Variants in FER observed in about 807,000 individuals in gnomAD.
FER encodes the protein FER tyrosine kinase, also known as tyrosine-protein kinase Fer.
A neutral mutation model predicts 111.0 loss-of-function variants in FER; 63 were observed. That is an observed-to-expected ratio of 0.57 (90% CI 0.46 to 0.70). The LOEUF (loss-of-function observed/expected upper bound fraction) is 0.70. Ranked by LOEUF, FER falls within the 30% of genes least tolerant of loss-of-function variation. The probability of loss-of-function intolerance (pLI) is 0.00; values close to 1 mark genes in which losing one functional copy is unlikely to be tolerated. For missense variants in FER, 914 were observed against 954.0 expected (o/e 0.96, Z 0.55); for synonymous variants, 327 against 313.9 (o/e 1.04, Z -0.44).
intron 16 of FER, among the ~76,000 whole-genome samples, chr5:109,096,489 C>G (rs1009658544): frequency 6.6e-6 from 1 of 151,912 alleles, no homozygotes; most frequent in African/African-American, 2.4e-5. Flanking sequence ...TATCTTCACT[C>G]TTTTCTGCTT....
intron 3 of FER, chr5:108,820,646 C>T (rs183802014): frequency 4.0e-4 from 216 of 541,784 alleles, no homozygotes; most frequent in African/African-American, 8.2e-4. Flanking sequence ...GAGACTGGAC[C>T]GTAACTGAGC....
At chr5:108,785,698 G>A (rs1754631661) in intron 2 of FER, 3 of 327,768 alleles carry the variant, frequency 9.2e-6, no homozygotes, top group South Asian at 5.6e-5. Context: ...CTTGCTGGTG[G>A]TGTCTGGCTT....
chr5:109,026,241 G>A (rs1171626358), intron 13 of FER, among the ~76,000 whole-genome samples: 4 of 152,082 alleles, frequency 2.6e-5, no homozygotes, highest in African/African-American at 9.7e-5. Context: ...ATTTTATGTA[G>A]CTTGCAAATA....
intron 3 of FER, among the ~76,000 whole-genome samples, chr5:108,819,070 C>T (rs117990650): frequency 0.04 from 6,132 of 152,000 alleles, 182 homozygotes; most frequent in South Asian, 0.11. Context: ...GGCTGGAGTG[C>T]AGTGGTGTGC....
chr5:108,882,058 T>C (rs376233579), intron 8 of FER, among the ~76,000 whole-genome samples: 61 of 152,314 alleles, frequency 4.0e-4, no homozygotes, highest in African/African-American at 1.4e-3. Context: ...TTAGTGACTG[T>C]ATGCTATACT....
Position 109,037,403 on chromosome 5 carries a change from T to G in FER, c.1657-19T>G, listed in dbSNP as rs752067063. ...TACCCTTGCTTGTACTAAACAACTG[T>G]TCTTATTCTTTGCTGTAGGACAAGA... On this transcript the variant is annotated intron_variant, in intron 13 of 19. Transcript: ENST00000281092. 3 of 1,606,832 alleles carry G rather than the reference T, an allele frequency of 1.9e-6. No homozygotes were observed. In the South Asian group the frequency reaches 3.3e-5, roughly 18 times the overall value.
chr5:109,046,104 AT>A (rs3839302), intron 15 of FER, among the ~76,000 whole-genome samples: 6,939 of 152,094 alleles, frequency 0.046, 249 homozygotes, highest in South Asian at 0.11. Flanking sequence ...CTCTGATGAA[AT>A]TTTGCCTTTA....
chr5:108,968,450 T>C (rs889841801), intron 13 of FER, among the ~76,000 whole-genome samples: 8 of 152,172 alleles, frequency 5.3e-5, no homozygotes, highest in African/African-American at 1.9e-4. Flanking sequence ...TCTAAGGCTG[T>C]ATTCCTTGCT....
rs187794885 is a variant in FER at position 108,929,936 on chromosome 5, G to A, written c.1237-16194G>A. The stretch of plus-strand genomic sequence containing the variant: ...AGATAATCTTTTTAAAGATATGGCT[G>A]AATGAGGCATTTCATTAGTGCCTTT... On this transcript the variant is annotated intron_variant, in intron 10 of 19. Transcript: ENST00000281092. Among the ~76,000 whole-genome samples, 175 of 152,218 alleles carry A rather than the reference G, an allele frequency of 1.1e-3. 1 individual carries two copies. Among genetic ancestry groups the A allele is most frequent in the African/African-American group, 4.1e-3 (170 of 41,516 alleles).
intron 5 of FER, among the ~76,000 whole-genome samples, chr5:108,840,206 C>T (rs1187565329): frequency 6.6e-6 from 1 of 152,076 alleles, no homozygotes; most frequent in Non-Finnish European, 1.5e-5. Context: ...AGCCACAATG[C>T]AATTATCATT....
intron 3 of FER, among the ~76,000 whole-genome samples, chr5:108,822,373 A>G (rs1324946578): frequency 6.6e-6 from 1 of 152,084 alleles, no homozygotes; most frequent in East Asian, 1.9e-4. Context: ...TTTTATAAAG[A>G]AAGAGGTTTA....
chr5:108,785,406 A>T, intron 2 of FER: 1 of 588,806 alleles, frequency 1.7e-6, no homozygotes, highest in Non-Finnish European at 3.4e-6. Context: ...ATCATCGTAG[A>T]TGAACTGAAG....
chr5:108,755,272 T>G (rs1345869314), intron 1 of FER, among the ~76,000 whole-genome samples: 1 of 152,188 alleles, frequency 6.6e-6, no homozygotes, highest in Non-Finnish European at 1.5e-5. Context: ...GTCACAAGGT[T>G]TAGTCCTTGG....
intron 13 of FER, among the ~76,000 whole-genome samples, chr5:109,015,186 T>G (rs968989459): frequency 1.3e-5 from 2 of 152,126 alleles, no homozygotes; most frequent in Non-Finnish European, 2.9e-5. Context: ...GGCTTTTTTA[T>G]TAAAGCAACA....
chr5:109,059,338 C>T (rs1212700800), intron 16 of FER, among the ~76,000 whole-genome samples: 3 of 148,792 alleles, frequency 2.0e-5, no homozygotes, highest in South Asian at 2.1e-4. Flanking sequence ...TCCTGGCCAA[C>T]ATGGTGAAAC....
intron 10 of FER, among the ~76,000 whole-genome samples, chr5:108,905,227 T>C (rs1182553821): frequency 6.6e-6 from 1 of 152,132 alleles, no homozygotes; most frequent in Non-Finnish European, 1.5e-5. Flanking sequence ...TTCAAAGTGT[T>C]TTTTAGCTTA....
chr5:109,057,058 A>G (rs1773747737), intron 16 of FER, among the ~76,000 whole-genome samples: 1 of 152,170 alleles, frequency 6.6e-6, no homozygotes, highest in African/African-American at 2.4e-5. Context: ...TTTCTGATCC[A>G]TGGACATAGT....
At chr5:109,057,669 C>T (rs1253555852) in intron 16 of FER, among the ~76,000 whole-genome samples, 2 of 152,128 alleles carry the variant, frequency 1.3e-5, no homozygotes, top group Admixed American at 6.5e-5. Flanking sequence ...ACTACCTAAT[C>T]TCATTCATGA....
chr5:109,074,621 C>T (rs1052777547), intron 16 of FER, among the ~76,000 whole-genome samples: 69 of 152,138 alleles, frequency 4.5e-4, no homozygotes, highest in Admixed American at 4.3e-3. Context: ...TCTCTTGGAG[C>T]ACAGCTCAAA....
Sources: allele counts gnomAD v4.1 joint callset (sites outside exome capture counted in the v4.1 genomes callset), GRCh38; gene constraint gnomAD v4.1.1; transcripts MANE v1.5; gene names NCBI Gene and HGNC (gene_info 2026-07-23, HGNC 2026-07-21).